The following ARHGAP15 variants were observed in gnomAD, a reference collection of about 807,000 sequenced individuals.
ARHGAP15 encodes rho GTPase-activating protein 15.
ARHGAP15 carries 51 observed loss-of-function variants against 63.7 expected under a neutral mutation model. The ratio of observed to expected loss-of-function variants is 0.80; its 90% CI spans 0.64 to 1.01. The LOEUF (loss-of-function observed/expected upper bound fraction) is 1.01, where lower values mean the gene tolerates loss of function less well. Ranked by LOEUF, ARHGAP15 falls within the 50% of genes least tolerant of loss-of-function variation. The pLI is 0.00. For missense variants in ARHGAP15, 560 were observed against 564.6 expected, an observed-to-expected ratio of 0.99 and a Z score of 0.08; for synonymous variants, 191 against 193.8, an observed-to-expected ratio of 0.99 and a Z score of 0.12.
intron 6 of ARHGAP15, among the ~76,000 whole-genome samples, chr2:143,350,674 AAAAAG>A (rs1387149470): frequency 4.7e-5 from 7 of 149,152 alleles, no homozygotes; most frequent in South Asian, 2.1e-4. Flanking sequence ...AAAAAAAAAA[AAAAAG>A]AAAGAAAAAA....
chr2:143,137,508 G>A (rs567141844), intron 1 of ARHGAP15, among the ~76,000 whole-genome samples: 2 of 152,118 alleles, frequency 1.3e-5, no homozygotes, highest in African/African-American at 2.4e-5. Flanking sequence ...TACAGTTTTA[G>A]TAAGTTGGCA....
chr2:143,517,454 T>C (rs749686232), intron 9 of ARHGAP15, among the ~76,000 whole-genome samples: 13 of 152,218 alleles, frequency 8.5e-5, no homozygotes, highest in Non-Finnish European at 1.5e-4. Flanking sequence ...TAATTTTACA[T>C]ATACTTTAAA....
At chr2:143,228,818 A>G in intron 5 of ARHGAP15, 150 bp downstream of exon 5, 1 of 542,126 alleles carries the variant, frequency 1.8e-6, no homozygotes, top group South Asian at 3.3e-5. Context: ...TTTTAATCAG[A>G]TGAAGGGAAA....
intron 9 of ARHGAP15, among the ~76,000 whole-genome samples, chr2:143,490,546 G>C (rs964199190): frequency 1.3e-5 from 2 of 152,208 alleles, no homozygotes; most frequent in African/African-American, 4.8e-5. Flanking sequence ...TGTTTTATAT[G>C]TGGTTTCATT....
intron 8 of ARHGAP15, among the ~76,000 whole-genome samples, chr2:143,462,952 A>G (rs940857248): frequency 6.6e-5 from 10 of 152,204 alleles, no homozygotes; most frequent in African/African-American, 2.4e-4. Flanking sequence ...CTCTGAGCTT[A>G]GGGAATATCT....
At chr2:143,389,106 CATTATT>C (rs10548238) in intron 6 of ARHGAP15, among the ~76,000 whole-genome samples, 3,366 of 146,046 alleles carry the variant, frequency 0.023, 54 homozygotes, top group Non-Finnish European at 0.035. Context: ...TTTACTCAGA[CATTATT>C]ATTATTATTA....
intron 2 of ARHGAP15, among the ~76,000 whole-genome samples, chr2:143,186,688 G>A (rs1691461732): frequency 6.6e-6 from 1 of 152,076 alleles, no homozygotes; most frequent in South Asian, 2.1e-4. Context: ...AAATGCCCAG[G>A]ACCACAATTT....
At chr2:143,516,890 T>G (rs1040224176) in intron 9 of ARHGAP15, among the ~76,000 whole-genome samples, 5 of 152,220 alleles carry the variant, frequency 3.3e-5, no homozygotes, top group African/African-American at 1.2e-4. Context: ...TTTGAGCTTC[T>G]TTCTGTTACT....
chr2:143,567,370 A>G (rs1430242763), intron 11 of ARHGAP15, among the ~76,000 whole-genome samples: 2 of 152,216 alleles, frequency 1.3e-5, no homozygotes, highest in African/African-American at 4.8e-5. Flanking sequence ...ATAGGCTCTG[A>G]TTGAAAAGCA....
intron 13 of ARHGAP15, among the ~76,000 whole-genome samples, chr2:143,727,592 A>T (rs1685338835): frequency 6.6e-6 from 1 of 152,174 alleles, no homozygotes; most frequent in Non-Finnish European, 1.5e-5. Context: ...GGCTACATAG[A>T]TATACTTTAG....
At chr2:143,730,175 G>A (rs921808089) in intron 13 of ARHGAP15, among the ~76,000 whole-genome samples, 1 of 152,182 alleles carries the variant, frequency 6.6e-6, no homozygotes, top group Non-Finnish European at 1.5e-5. Flanking sequence ...ATATACTAGA[G>A]TAGAAATTCC....
chr2:143,744,978 A>G (rs1490790766), intron 13 of ARHGAP15, among the ~76,000 whole-genome samples: 4 of 152,336 alleles, frequency 2.6e-5, no homozygotes, highest in African/African-American at 9.6e-5. Context: ...ATTTACATAG[A>G]TTTCTCTAAA....
chr2:143,666,826 T>C (rs1452443614), intron 12 of ARHGAP15, among the ~76,000 whole-genome samples: 3 of 149,292 alleles, frequency 2.0e-5, no homozygotes, highest in African/African-American at 2.6e-5. Context: ...AAAATGCTCA[T>C]CATCACTGGC....
At chr2:143,707,496 G>A (rs1188283685) in intron 13 of ARHGAP15, among the ~76,000 whole-genome samples, 1 of 152,210 alleles carries the variant, frequency 6.6e-6, no homozygotes, top group African/African-American at 2.4e-5. Context: ...GGATGAATCC[G>A]ATTTTGGCAG....
intron 4 of ARHGAP15, among the ~76,000 whole-genome samples, chr2:143,225,077 C>A (rs1693152955): frequency 6.6e-6 from 1 of 152,192 alleles, no homozygotes; most frequent in South Asian, 2.1e-4. Context: ...GCGTCCAGGG[C>A]CCCATGCTCA....
intron 10 of ARHGAP15, among the ~76,000 whole-genome samples, chr2:143,554,947 C>G (rs534365417): frequency 2.0e-5 from 3 of 152,128 alleles, no homozygotes; most frequent in Non-Finnish European, 4.4e-5. Flanking sequence ...CAATTCCTCA[C>G]AATTTATAGT....
At chr2:143,158,604 G>A (rs1283161708) in intron 2 of ARHGAP15, among the ~76,000 whole-genome samples, 1 of 151,908 alleles carries the variant, frequency 6.6e-6, no homozygotes, top group Non-Finnish European at 1.5e-5. Flanking sequence ...TGTTGGAGAG[G>A]TGGGCAGTTT....
chr2:143,416,853 G>A (rs575517620), intron 6 of ARHGAP15, among the ~76,000 whole-genome samples: 1 of 39,190 alleles, frequency 2.6e-5, no homozygotes, highest in African/African-American at 1.2e-4. Context: ...ACGCCCCCAC[G>A]CCCCCAACAC....
intron 2 of ARHGAP15, among the ~76,000 whole-genome samples, chr2:143,156,387 T>C (rs1286372453): frequency 6.6e-6 from 1 of 151,908 alleles, no homozygotes; most frequent in African/African-American, 2.4e-5. Flanking sequence ...TATGCAATGT[T>C]AGCCACTCTT....
Sources: gnomAD v4.1 joint callset for allele counts (sites outside exome capture counted in the v4.1 genomes callset) on GRCh38, gnomAD v4.1.1 for gene constraint, MANE v1.5 for transcripts, NCBI Gene and HGNC (gene_info 2026-07-23, HGNC 2026-07-21) for gene names.